FOXK2: variants seen among roughly 807,000 people sequenced by gnomAD.
FOXK2 encodes the protein forkhead box K2.
In FOXK2, 24 loss-of-function variants were observed where a neutral mutation model predicts 53.3. The observed-to-expected ratio is 0.45, with a 90% CI of 0.33 to 0.63. FOXK2 has a LOEUF of 0.63. Ranked by LOEUF, FOXK2 falls within the 30% of genes least tolerant of loss-of-function variation. FOXK2 has a pLI of 0.03. For synonymous variants in FOXK2, 505 were observed against 407.1 expected (o/e 1.24, Z -2.89); for missense variants, 952 against 910.5 (o/e 1.05, Z -0.59).
At chr17:82,567,713 CTT>C (rs888937460) in intron 2 of FOXK2, among the ~76,000 whole-genome samples, 3 of 151,734 alleles carry the variant, frequency 2.0e-5, no homozygotes, top group African/African-American at 7.3e-5. Flanking sequence ...CACTTTGTGT[CTT>C]TAATAAGTTC....
At chr17:82,526,760 A>G (rs1235375730) in intron 1 of FOXK2, among the ~76,000 whole-genome samples, 1 of 150,808 alleles carries the variant, frequency 6.6e-6, no homozygotes, top group East Asian at 2.0e-4. Context: ...AACCCAGGAG[A>G]TTGGAGCTTG....
intron 4 of FOXK2, chr17:82,576,917 T>G: frequency 4.8e-6 from 2 of 416,232 alleles, no homozygotes; most frequent in South Asian, 5.1e-5. Context: ...CCCAGCACTT[T>G]GGGAGGCTGT....
chr17:82,562,799 G>A (rs2044810716), intron 1 of FOXK2, among the ~76,000 whole-genome samples: 1 of 151,488 alleles, frequency 6.6e-6, no homozygotes, highest in Admixed American at 6.6e-5. Flanking sequence ...GAGTCTTTTT[G>A]AGTCTATGCT....
At chr17:82,566,131 T>C (rs2044848616) in intron 2 of FOXK2, among the ~76,000 whole-genome samples, 1 of 152,112 alleles carries the variant, frequency 6.6e-6, no homozygotes, top group Non-Finnish European at 1.5e-5. Context: ...GAGAACATTC[T>C]GGAGCGGGGT....
intron 8 of FOXK2, among the ~76,000 whole-genome samples, chr17:82,593,224 G>C (rs1189416259): frequency 6.7e-6 from 1 of 149,972 alleles, no homozygotes; most frequent in African/African-American, 2.5e-5. Flanking sequence ...TATTCTGAAA[G>C]CAGACCCAGT....
chr17:82,534,877 G>A (rs952662955), intron 1 of FOXK2, among the ~76,000 whole-genome samples: 3 of 152,210 alleles, frequency 2.0e-5, no homozygotes, highest in Admixed American at 6.5e-5. Flanking sequence ...ATTATTGAGT[G>A]CTGAAAAACA....
Position 82,520,070 on chromosome 17 carries a change from C to T in FOXK2, c.182C>T (p.Ser61Leu). ...TCGGTGACCATCGGCCGCAACTCGT[C>T]GCAGGGCTCGGTGGACGTGAGCATG... The part of the protein sequence containing the change: ...KRSVTIGRNS[S>L]QGSVDVSMGH... Residue 61 changes from serine (S) to leucine (L), a missense_variant, in exon 1 of 9, where the codon TCG becomes TTG. By Grantham distance (145) the Ser-to-Leu change is moderately radical (BLOSUM62 -2). Coordinates refer to ENST00000335255, the MANE Select transcript of FOXK2 (RefSeq NM_004514.4). 6.5e-7 allele frequency: 1 copy of T among 1,543,318 alleles called. No homozygotes were observed. Among genetic ancestry groups the T allele is most frequent in the Admixed American group, 1.9e-5 (1 of 53,528 alleles).
intron 1 of FOXK2, among the ~76,000 whole-genome samples, chr17:82,562,384 C>T (rs1239344863): frequency 1.3e-5 from 2 of 152,152 alleles, no homozygotes; most frequent in African/African-American, 2.4e-5. Flanking sequence ...AGTTCGAGAC[C>T]AGCCCGACCA....
intron 4 of FOXK2, among the ~76,000 whole-genome samples, chr17:82,574,265 C>T (rs1041264202): frequency 2.0e-5 from 3 of 151,766 alleles, no homozygotes; most frequent in Admixed American, 6.6e-5. Context: ...GCTAATTAAG[C>T]GGGAGAGGGA....
At chr17:82,520,680 G>C (rs1278746055) in intron 1 of FOXK2, among the ~76,000 whole-genome samples, 1 of 152,216 alleles carries the variant, frequency 6.6e-6, no homozygotes, top group African/African-American at 2.4e-5. Flanking sequence ...GGTGTGCGGT[G>C]GGAGGAACTG....
intron 1 of FOXK2, among the ~76,000 whole-genome samples, chr17:82,535,885 G>C (rs2144061367): frequency 6.6e-6 from 1 of 152,118 alleles, no homozygotes; most frequent in Non-Finnish European, 1.5e-5. Context: ...TGGGATTACA[G>C]GCATGCGCCA....
chr17:82,566,393 C>G (rs1437818667), intron 2 of FOXK2, among the ~76,000 whole-genome samples: 1 of 152,152 alleles, frequency 6.6e-6, no homozygotes, highest in Non-Finnish European at 1.5e-5. Flanking sequence ...TTGCTGCCCT[C>G]TCTCCCATTG....
At chr17:82,591,158 A>C (rs1427448975) in intron 8 of FOXK2, among the ~76,000 whole-genome samples, 1 of 152,070 alleles carries the variant, frequency 6.6e-6, no homozygotes, top group African/African-American at 2.4e-5. Context: ...GCTTGGTGGG[A>C]TGATAGGTGA....
intron 2 of FOXK2, among the ~76,000 whole-genome samples, chr17:82,565,869 CT>C (rs1297343558): frequency 6.6e-6 from 1 of 152,172 alleles, no homozygotes; most frequent in East Asian, 1.9e-4. Flanking sequence ...TCATAGCAGC[CT>C]TATGCACAAT....
chr17:82,543,399 G>A (rs1369978876), intron 1 of FOXK2, among the ~76,000 whole-genome samples: 1 of 152,114 alleles, frequency 6.6e-6, no homozygotes, highest in Non-Finnish European at 1.5e-5. Context: ...TCTAAATGAA[G>A]GCTTCTTTTA....
At chr17:82,564,302 T>A (rs1378735159) in intron 2 of FOXK2, among the ~76,000 whole-genome samples, 8 of 152,132 alleles carry the variant, frequency 5.3e-5, no homozygotes, top group African/African-American at 1.4e-4. Flanking sequence ...TTGGCCAGGC[T>A]GATCTCAAAC....
intron 8 of FOXK2, chr17:82,600,492 G>C (rs149583987): frequency 5.3e-5 from 8 of 152,238 alleles, no homozygotes; most frequent in South Asian, 2.1e-4. Flanking sequence ...CACTCATGGC[G>C]ATCAGCTGAT....
intron 1 of FOXK2, among the ~76,000 whole-genome samples, chr17:82,547,251 T>C (rs578253616): frequency 6.6e-6 from 1 of 152,312 alleles, no homozygotes; most frequent in African/African-American, 2.4e-5. Flanking sequence ...GGTTCTCCAT[T>C]GTGGTTCCCC....
At chr17:82,546,917 A>G (rs1400718162) in intron 1 of FOXK2, among the ~76,000 whole-genome samples, 1 of 151,992 alleles carries the variant, frequency 6.6e-6, no homozygotes, top group Non-Finnish European at 1.5e-5. Flanking sequence ...TCTCTACTAA[A>G]AATACCAAAA....
Sources: allele counts gnomAD v4.1 joint callset (sites outside exome capture counted in the v4.1 genomes callset), GRCh38; gene constraint gnomAD v4.1.1; transcripts MANE v1.5; gene names NCBI Gene and HGNC (gene_info 2026-07-23, HGNC 2026-07-21).